ECHDC1: variants seen among roughly 807,000 people sequenced by gnomAD.
ECHDC1 encodes the protein ethylmalonyl-CoA decarboxylase.
ECHDC1 carries 29 observed loss-of-function variants against 29.7 expected under a neutral mutation model. The ratio of observed to expected loss-of-function variants is 0.98; its 90% CI spans 0.73 to 1.33. ECHDC1 has a LOEUF of 1.33. ECHDC1 is among the 40% of genes most tolerant of loss of function. ECHDC1 has a pLI of 0.00. For synonymous variants in ECHDC1, 126 were observed against 123.1 expected, an observed-to-expected ratio of 1.02 and a Z score of -0.15; for missense variants, 328 against 350.0, an observed-to-expected ratio of 0.94 and a Z score of 0.50.
intron 1 of ECHDC1, 102 bp downstream of exon 1, chr6:127,343,234 T>TG (rs1400424741): frequency 1.3e-5 from 2 of 152,206 alleles, no homozygotes; most frequent in Non-Finnish European, 2.9e-5. Context: ...GGGACACGTT[T>TG]GGAGAAGCGA....
intron 5 of ECHDC1, among the ~76,000 whole-genome samples, chr6:127,301,460 T>C (rs546828156): frequency 1.3e-5 from 2 of 152,366 alleles, no homozygotes; most frequent in East Asian, 1.9e-4. Context: ...AAGGAACTTA[T>C]CTTTTTAGCA....
At chr6:127,305,017 C>T (rs1781339589) in intron 5 of ECHDC1, among the ~76,000 whole-genome samples, 1 of 152,096 alleles carries the variant, frequency 6.6e-6, no homozygotes, top group Non-Finnish European at 1.5e-5. Context: ...TAACAAAGAG[C>T]TTCCAACACC....
At chr6:127,314,918 G>A in intron 4 of ECHDC1, 22 bp from the exon 5 acceptor site, 1 of 1,590,254 alleles carries the variant, frequency 6.3e-7, no homozygotes, top group Non-Finnish European at 8.6e-7. Flanking sequence ...AGAAAAAACT[G>A]ATGTTACTAT....
intron 3 of ECHDC1, among the ~76,000 whole-genome samples, chr6:127,325,727 G>T (rs931006180): frequency 6.6e-6 from 1 of 151,878 alleles, no homozygotes; most frequent in Non-Finnish European, 1.5e-5. Context: ...TTGAGACAGG[G>T]TCTCACTCTG....
At position 127,314,120 on chromosome 6, in the gene ECHDC1, G is replaced by A. The variant is rs982488375; in HGVS notation, c.497+696C>T. Among the ~76,000 whole-genome samples, 37 of 152,158 alleles carry A rather than the reference G, an allele frequency of 2.4e-4. 1 individual carries two copies. The highest frequency in any genetic ancestry group is 1.6e-4 in the Non-Finnish European group (11 of 68,024). On this transcript the variant is annotated intron_variant, in intron 5 of 5. Transcript: ENST00000454859. Reference sequence around the variant, plus strand: ...TTGCATTATAAAGAGGCTCCAGTATGTGAACCTGTACAGATAACTCACAGA... The same window carrying A: ...TTGCATTATAAAGAGGCTCCAGTATATGAACCTGTACAGATAACTCACAGA...
intron 1 of ECHDC1, among the ~76,000 whole-genome samples, chr6:127,335,397 T>C (rs903514543): frequency 1.7e-4 from 26 of 152,096 alleles, no homozygotes; most frequent in Non-Finnish European, 2.9e-5. Context: ...AGATAAATTG[T>C]GACCTAATGC....
At chr6:127,296,256 C>T (rs1177558429) in intron 5 of ECHDC1, among the ~76,000 whole-genome samples, 7 of 152,056 alleles carry the variant, frequency 4.6e-5, no homozygotes, top group Non-Finnish European at 8.8e-5. Flanking sequence ...TGCAGTGGCA[C>T]GATCTTGGCT....
intron 1 of ECHDC1, among the ~76,000 whole-genome samples, chr6:127,337,077 G>A (rs7750762): frequency 0.67 from 102,626 of 152,060 alleles, 34,847 homozygotes; most frequent in East Asian, 0.73. Context: ...ATTTAACCCT[G>A]TATATTGTGA....
chr6:127,302,815 T>C (rs2114580538), intron 5 of ECHDC1, among the ~76,000 whole-genome samples: 1 of 152,322 alleles, frequency 6.6e-6, no homozygotes, highest in African/African-American at 2.4e-5. Flanking sequence ...ATTTAATACT[T>C]TCACACATAC....
At chr6:127,315,646 A>T (rs1782301284) in intron 4 of ECHDC1, 1 of 267,164 alleles carries the variant, frequency 3.7e-6, no homozygotes, top group East Asian at 1.0e-4. Flanking sequence ...TTATTTAAAA[A>T]AATAATAACT....
intron 3 of ECHDC1, among the ~76,000 whole-genome samples, chr6:127,326,332 C>G (rs758033200): frequency 2.6e-5 from 4 of 152,178 alleles, no homozygotes; most frequent in Non-Finnish European, 5.9e-5. Context: ...CACCATAATC[C>G]TAAGTTTCCT....
chr6:127,318,649 A>C (rs943086092), intron 3 of ECHDC1, among the ~76,000 whole-genome samples: 2 of 152,224 alleles, frequency 1.3e-5, no homozygotes, highest in African/African-American at 4.8e-5. Flanking sequence ...GGAGAAGGGA[A>C]GGTGGCATTT....
intron 5 of ECHDC1, among the ~76,000 whole-genome samples, chr6:127,310,629 G>T (rs1043688971): frequency 6.6e-6 from 1 of 152,166 alleles, no homozygotes; most frequent in Non-Finnish European, 1.5e-5. Flanking sequence ...TTCTTAAGAT[G>T]GAATTTAATT....
rs560639056 is a variant in ECHDC1, at chr6:127,311,170, G to A, written c.497+3646C>T. On this transcript the variant is annotated intron_variant, in intron 5 of 5. Transcript: ENST00000454859. The stretch of plus-strand genomic sequence containing the variant: ...CCTGTGATATCTATGAATTATGCCT[G>A]TACCAAGATGGCAGATTTAAACCCA... 3.3e-5 allele frequency among the ~76,000 whole-genome samples: 5 copies of A among 152,170 alleles called. No homozygotes were observed. In the East Asian group the frequency reaches 7.7e-4, roughly 24 times the overall value.
chr6:127,299,085 T>G (rs1260985637), intron 5 of ECHDC1, among the ~76,000 whole-genome samples: 11 of 152,182 alleles, frequency 7.2e-5, no homozygotes, highest in Middle Eastern at 6.8e-3. Flanking sequence ...CAGGCTGGTC[T>G]CCAACTCCTG....
At chr6:127,292,901 T>C (rs1479670659) in intron 5 of ECHDC1, among the ~76,000 whole-genome samples, 1 of 152,104 alleles carries the variant, frequency 6.6e-6, no homozygotes, top group Non-Finnish European at 1.5e-5. Context: ...TTAAACTTGC[T>C]TATTTTGACA....
At chr6:127,295,899 G>A (rs967105366) in intron 5 of ECHDC1, among the ~76,000 whole-genome samples, 2 of 152,184 alleles carry the variant, frequency 1.3e-5, no homozygotes, top group Non-Finnish European at 2.9e-5. Flanking sequence ...ACGATCAGGT[G>A]TTACCTCAAA....
At chr6:127,320,596 A>G (rs1477763412) in intron 3 of ECHDC1, among the ~76,000 whole-genome samples, 2 of 152,364 alleles carry the variant, frequency 1.3e-5, no homozygotes, top group Non-Finnish European at 2.9e-5. Flanking sequence ...TCTGAAGCTT[A>G]TAACTGCACT....
chr6:127,339,580 C>A (rs1784735330), intron 1 of ECHDC1, among the ~76,000 whole-genome samples: 1 of 151,822 alleles, frequency 6.6e-6, no homozygotes, highest in Admixed American at 6.6e-5. Flanking sequence ...TGAGACCAGC[C>A]TGGCCAACAT....
Sources: allele counts gnomAD v4.1 joint callset (sites outside exome capture counted in the v4.1 genomes callset), GRCh38; gene constraint gnomAD v4.1.1; transcripts MANE v1.5; gene names NCBI Gene and HGNC (gene_info 2026-07-23, HGNC 2026-07-21).